DMD: variants seen among roughly 807,000 people sequenced by gnomAD.
DMD encodes dystrophin.
A neutral mutation model predicts 330.1 loss-of-function variants in DMD; 63 were observed. The ratio of observed to expected loss-of-function variants is 0.19; its 90% CI spans 0.16 to 0.24. DMD has a LOEUF of 0.24. Among genes scored for constraint, DMD ranks in the 10% least tolerant of loss-of-function variants. The pLI is 1.00. For synonymous variants in DMD, 1,223 were observed against 959.8 expected (o/e 1.27, Z -5.07); for missense variants, 3,344 against 2,684.1 (o/e 1.25, Z -5.43).
intron 60 of DMD, among the ~76,000 whole-genome samples, chrX:31,364,356 C>T (rs186036519): frequency 1.8e-5 from 2 of 111,956 alleles, no homozygotes; most frequent in East Asian, 5.6e-4. Flanking sequence ...AGTCTTTAAG[C>T]TCTCGGGTCA....
In DMD at chrX:31,501,457, T is replaced by C. The variant is rs148135609; in HGVS notation, c.8391-4513A>G. Among the ~76,000 whole-genome samples, 1,025 of 112,326 alleles carry C rather than the reference T, an allele frequency of 9.1e-3. 3 individuals carry two copies. The highest frequency in any genetic ancestry group is 0.028 in the Middle Eastern group (6 of 217). On this transcript the variant is annotated intron_variant, in intron 56 of 78. Coordinates refer to ENST00000357033, the MANE Select transcript of DMD (RefSeq NM_004006.3). ...TCTATCTATGTCTATTAATCTTTAT[T>C]AGTGAAGACAAGAGCTTAGGGGTTA...
intron 62 of DMD, among the ~76,000 whole-genome samples, chrX:31,295,572 G>A (rs1334395670): frequency 9.0e-6 from 1 of 111,032 alleles, no homozygotes; most frequent in African/African-American, 3.3e-5. Flanking sequence ...CGCTATGAAC[G>A]CCTGGCTAAT....
Position 32,463,452 on chromosome X carries a change from T to A in DMD, c.3419A>T (p.His1140Leu), listed in dbSNP as rs201297190. The A allele has an allele frequency of 5.0e-6, 6 of 1,206,031 alleles. No homozygotes were observed. In the African/African-American group the frequency reaches 7.0e-5, roughly 14 times the overall value. Residue 1140 changes from histidine (H) to leucine (L), a missense_variant, in exon 25 of 79, where the codon CAC (histidine) becomes CTC (leucine). By Grantham distance (99) the His-to-Leu change is moderately conservative. Coordinates refer to ENST00000357033, the MANE Select transcript of DMD (RefSeq NM_004006.3). ...ELKELNTQWD[H>L]MCQQVYARKE... ...GATTGTCTATACCTGTTGGCACATG[T>A]GATCCCACTGAGTGTTAAGTTCTTT...
At chrX:31,486,458 T>G (rs902480089) in intron 57 of DMD, among the ~76,000 whole-genome samples, 1 of 112,560 alleles carries the variant, frequency 8.9e-6, no homozygotes, top group Non-Finnish European at 1.9e-5. Context: ...GTGTCACTGC[T>G]GAGTTACTGG....
intron 11 of DMD, among the ~76,000 whole-genome samples, chrX:32,640,226 C>T (rs2059363089): frequency 9.2e-6 from 1 of 108,456 alleles, no homozygotes; most frequent in South Asian, 4.0e-4. Flanking sequence ...TCTTTCTTCA[C>T]ATTTTATAAT....
intron 59 of DMD, among the ~76,000 whole-genome samples, chrX:31,456,595 C>G (rs1034769077): frequency 6.3e-5 from 7 of 111,338 alleles, no homozygotes; most frequent in Non-Finnish European, 1.3e-4. Context: ...TAATGTGTGT[C>G]TGAGGAAAAG....
intron 1 of DMD, among the ~76,000 whole-genome samples, chrX:33,023,395 T>G (rs888441906): frequency 9.0e-6 from 1 of 111,672 alleles, no homozygotes; most frequent in African/African-American, 3.2e-5. Flanking sequence ...ATCTTTATAA[T>G]ACTTTCCAAG....
In DMD at chrX:32,806,316, C is replaced by T. The variant is rs191305208; in HGVS notation, c.649+3177G>A. ...ATTCTCTGATAAAATAGACTTTAAA[C>T]TAACAAAGATTTAAAAAAAACAAAA... On this transcript the variant is annotated intron_variant, in intron 7 of 78. Transcript: ENST00000357033. Among the ~76,000 whole-genome samples the T allele has an allele frequency of 5.5e-5, 6 of 109,117 alleles. No individual in the cohort carries two copies. In the East Asian group the frequency reaches 1.1e-3, roughly 21 times the overall value. 94.8% of individuals were successfully genotyped at this position (109,117 alleles called of 115,157 possible). A position where few individuals can be genotyped will look rare whatever the true frequency, so the allele number is the denominator to read the frequency against.
Position 32,248,305 on chromosome X carries a change from C to T in DMD, c.6291-31242G>A, listed in dbSNP as rs142530862. 1.7e-3 allele frequency among the ~76,000 whole-genome samples: 188 copies of T among 111,031 alleles called. 1 individual carries two copies. Among genetic ancestry groups the T allele is most frequent in the Admixed American group, 3.2e-3 (33 of 10,377 alleles). ...TCATATTTGTGGTAGAGGAGATTTA[C>T]AAAAAAGGCATTGTTAACATTAGTT... On this transcript the variant is annotated intron_variant, in intron 43 of 78. Coordinates refer to ENST00000357033, the MANE Select transcript of DMD (RefSeq NM_004006.3).
chrX:31,433,118 A>T (rs946407261), intron 60 of DMD, among the ~76,000 whole-genome samples: 2 of 112,129 alleles, frequency 1.8e-5, no homozygotes, highest in African/African-American at 6.5e-5. Flanking sequence ...CCCAAAGGTT[A>T]GCTCCTGCTT....
chrX:32,837,418 TC>T (rs1396822517), intron 4 of DMD, among the ~76,000 whole-genome samples: 1 of 111,313 alleles, frequency 9.0e-6, no homozygotes, highest in East Asian at 2.8e-4. Context: ...CTAACAGCAT[TC>T]TTTAGATACC....
At chrX:32,275,595 G>T (rs1465148096) in intron 43 of DMD, among the ~76,000 whole-genome samples, 1 of 111,903 alleles carries the variant, frequency 8.9e-6, no homozygotes, top group African/African-American at 3.2e-5. Context: ...AGGTGAACTG[G>T]TAAGTGTTTT....
rs2147922859 is a variant in DMD, at chrX:31,146,424, C to T, written c.10798-10G>A. 1 of 1,206,123 alleles carries T rather than the reference C, an allele frequency of 8.3e-7. No individual in the cohort carries two copies. The highest frequency in any genetic ancestry group is 2.6e-4 in the Middle Eastern group (1 of 3,810). On this transcript the variant is annotated splice_polypyrimidine_tract_variant and intron_variant, in intron 75 of 78. Transcript: ENST00000357033. ...TGGCCTCTGCCTGGGGCTAAGTCAT[C>T]CAAAAGAAAACAGAATTACTTTTCA...
intron 42 of DMD, among the ~76,000 whole-genome samples, chrX:32,306,480 G>A (rs771927144): frequency 5.4e-5 from 6 of 110,774 alleles, no homozygotes; most frequent in East Asian, 5.7e-4. Flanking sequence ...TCTCCTACCC[G>A]TGAGCTTTCT....
chrX:32,456,614 G>A (rs5927992), intron 25 of DMD, among the ~76,000 whole-genome samples: 24 of 85,547 alleles, frequency 2.8e-4, no homozygotes, highest in East Asian at 4.4e-4. Context: ...GTGTGTGTGT[G>A]TGTATGTGTG....
At chrX:31,139,478 C>CAT (rs781016497) in intron 76 of DMD, among the ~76,000 whole-genome samples, 1 of 72,040 alleles carries the variant, frequency 1.4e-5, no homozygotes, top group Non-Finnish European at 3.3e-5. Flanking sequence ...TTTATATACA[C>CAT]ACACACACAC....
intron 7 of DMD, among the ~76,000 whole-genome samples, chrX:32,757,795 G>A (rs911782259): frequency 1.8e-5 from 2 of 111,583 alleles, no homozygotes; most frequent in Non-Finnish European, 3.8e-5. Context: ...CATGAGAACA[G>A]ACTAATACAG....
chrX:32,926,874 A>G (rs2089074457), intron 2 of DMD, among the ~76,000 whole-genome samples: 1 of 110,336 alleles, frequency 9.1e-6, no homozygotes, highest in African/African-American at 3.4e-5. Flanking sequence ...TGAATGAAAT[A>G]AAGATAAACA....
intron 21 of DMD, among the ~76,000 whole-genome samples, chrX:32,476,345 A>C (rs1252325146): frequency 2.7e-5 from 3 of 111,570 alleles, no homozygotes; most frequent in Non-Finnish European, 5.7e-5. Flanking sequence ...TCCTCCTTGC[A>C]TTCCAACCCT....
Sources: gnomAD v4.1 joint callset for allele counts (sites outside exome capture counted in the v4.1 genomes callset) on GRCh38, gnomAD v4.1.1 for gene constraint, MANE v1.5 for transcripts, NCBI Gene and HGNC (gene_info 2026-07-23, HGNC 2026-07-21) for gene names.